Variants in FER1L6 observed in about 807,000 individuals in gnomAD.
The protein encoded by FER1L6 is fer-1-like protein 6.
In FER1L6, 177 loss-of-function variants were observed where a neutral mutation model predicts 219.2. The observed-to-expected ratio is 0.81, with a 90% CI of 0.71 to 0.91. The LOEUF is 0.91. Among genes scored for constraint, FER1L6 ranks in the 40% least tolerant of loss-of-function variants. The probability of loss-of-function intolerance (pLI) is 0.00; values close to 1 mark genes in which losing one functional copy is unlikely to be tolerated. For synonymous variants in FER1L6, 768 were observed against 824.3 expected (o/e 0.93, Z 1.17); for missense variants, 2,153 against 2,259.9 (o/e 0.95, Z 0.96).
intron 29 of FER1L6, among the ~76,000 whole-genome samples, chr8:124,070,057 A>G (rs1308750078): frequency 6.6e-6 from 1 of 152,168 alleles, no homozygotes; most frequent in Non-Finnish European, 1.5e-5. Context: ...TCATGTCTAT[A>G]TGCATTACAA....
chr8:123,917,500 G>C (rs766607804), intron 1 of FER1L6, among the ~76,000 whole-genome samples: 2 of 152,176 alleles, frequency 1.3e-5, no homozygotes, highest in Non-Finnish European at 2.9e-5. Context: ...AAAGGACTAG[G>C]AGTCAGTTTT....
chr8:124,084,544 G>GTTGA (rs1166807540), intron 33 of FER1L6, among the ~76,000 whole-genome samples: 7 of 152,054 alleles, frequency 4.6e-5, no homozygotes, highest in Admixed American at 1.3e-4. Context: ...CCTTCATTCT[G>GTTGA]TTGATAATGA....
chr8:124,049,298 G>A (rs899804643), intron 21 of FER1L6, among the ~76,000 whole-genome samples: 2 of 152,014 alleles, frequency 1.3e-5, no homozygotes, highest in African/African-American at 4.8e-5. Context: ...CACCTGCCAC[G>A]GCCTTCTAAA....
intron 21 of FER1L6, among the ~76,000 whole-genome samples, chr8:124,047,335 G>T (rs922996981): frequency 1.3e-5 from 2 of 152,178 alleles, no homozygotes; most frequent in African/African-American, 4.8e-5. Flanking sequence ...GCCTAAAAAA[G>T]AGTTAAAAAT....
At chr8:123,899,869 A>G (rs377620080) in intron 1 of FER1L6, among the ~76,000 whole-genome samples, 267 of 152,254 alleles carry the variant, frequency 1.8e-3, no homozygotes, top group African/African-American at 6.2e-3. Flanking sequence ...CTATTTTTAT[A>G]CCAGTACTAT....
intron 2 of FER1L6, among the ~76,000 whole-genome samples, chr8:123,962,978 G>A (rs1344870832): frequency 6.6e-6 from 1 of 152,084 alleles, no homozygotes; most frequent in African/African-American, 2.4e-5. Context: ...TGGGGGAGGG[G>A]GTTGCTTAGG....
intron 39 of FER1L6, among the ~76,000 whole-genome samples, chr8:124,117,308 A>C (rs745682178): frequency 2.2e-4 from 34 of 152,220 alleles, no homozygotes; most frequent in Admixed American, 2.6e-4. Context: ...CCTGGGACAA[A>C]GTGAGTGATC....
chr8:124,105,644 T>C (rs1822736591), intron 39 of FER1L6, among the ~76,000 whole-genome samples: 1 of 152,216 alleles, frequency 6.6e-6, no homozygotes, highest in African/African-American at 2.4e-5. Context: ...CACAAAGATG[T>C]GCCCATTGGA....
At chr8:124,100,781 C>T (rs565843434) in intron 37 of FER1L6, among the ~76,000 whole-genome samples, 1 of 152,036 alleles carries the variant, frequency 6.6e-6, no homozygotes, top group African/African-American at 2.4e-5. Flanking sequence ...CCCAGGGTGA[C>T]AGAGATTCAG....
chr8:123,866,931 T>G (rs1228213435), intron 1 of FER1L6, among the ~76,000 whole-genome samples: 4 of 152,224 alleles, frequency 2.6e-5, no homozygotes, highest in Non-Finnish European at 1.5e-5. Context: ...GTTATTTGTT[T>G]TTATGCTATT....
chr8:124,016,830 A>G, intron 15 of FER1L6, among the ~76,000 whole-genome samples: 1 of 152,308 alleles, frequency 6.6e-6, no homozygotes, highest in East Asian at 1.9e-4. Context: ...TGATTATGTA[A>G]ACATAATCTT....
At chr8:124,019,111 A>G (rs1040253109) in intron 16 of FER1L6, among the ~76,000 whole-genome samples, 2 of 152,206 alleles carry the variant, frequency 1.3e-5, no homozygotes, top group African/African-American at 4.8e-5. Flanking sequence ...GGTTATCTCA[A>G]TCATTCATAG....
chr8:124,008,253 T>A (rs754273137), intron 13 of FER1L6, among the ~76,000 whole-genome samples: 1 of 152,220 alleles, frequency 6.6e-6, no homozygotes, highest in Non-Finnish European at 1.5e-5. Flanking sequence ...CATGTCCAGG[T>A]TGCTGCAAAT....
chr8:123,892,099 T>G (rs964202885), intron 1 of FER1L6, among the ~76,000 whole-genome samples: 2 of 152,188 alleles, frequency 1.3e-5, no homozygotes, highest in Non-Finnish European at 2.9e-5. Flanking sequence ...AAATCTTACC[T>G]TATGGTCAAA....
Position 124,021,560 on chromosome 8 carries a change from G to A in FER1L6, c.2024G>A (p.Cys675Tyr). Residue 675 changes from cysteine (C) to tyrosine (Y), a missense_variant, in exon 17 of 41, where the codon TGC (cysteine) becomes TAC (tyrosine). Transcript: ENST00000522917. ...CTTGTCTTGTTTTAGGAAGCAATGT[G>A]CAAGGAGGCCAAGGGGATCATTCAG... ...TLCWQELEAMCKEAKGIIQQQ... is the reference protein window; with the variant it reads ...TLCWQELEAMYKEAKGIIQQQ... 6.2e-7 allele frequency: 1 copy of A among 1,614,088 alleles called. No individual in the cohort carries two copies. Among genetic ancestry groups the A allele is most frequent in the Non-Finnish European group, 8.5e-7 (1 of 1,179,942 alleles).
intron 18 of FER1L6, among the ~76,000 whole-genome samples, chr8:124,031,482 G>T (rs963456630): frequency 2.0e-5 from 3 of 152,164 alleles, no homozygotes; most frequent in African/African-American, 7.2e-5. Flanking sequence ...TTTCCTTCTG[G>T]ATGTGGAGTA....
chr8:124,102,618 C>T (rs994422650), intron 38 of FER1L6, among the ~76,000 whole-genome samples: 1 of 152,210 alleles, frequency 6.6e-6, no homozygotes, highest in Admixed American at 6.5e-5. Context: ...CAATCTCTTA[C>T]TCTGCCTTGT....
chr8:123,963,453 C>T, intron 3 of FER1L6, 55 bp downstream of exon 3: 1 of 1,592,070 alleles, frequency 6.3e-7, no homozygotes, highest in South Asian at 1.1e-5. Context: ...TCTTATGTGC[C>T]AAGCACCTCT....
chr8:124,065,382 C>T (rs982177956), intron 26 of FER1L6, among the ~76,000 whole-genome samples: 39 of 121,676 alleles, frequency 3.2e-4, no homozygotes, highest in African/African-American at 1.1e-3. Flanking sequence ...GTCTGGGCAA[C>T]AGAGCGAGCC....
Sources: gnomAD v4.1 joint callset for allele counts (sites outside exome capture counted in the v4.1 genomes callset) on GRCh38, gnomAD v4.1.1 for gene constraint, MANE v1.5 for transcripts, NCBI Gene and HGNC (gene_info 2026-07-23, HGNC 2026-07-21) for gene names.